USH2A: variants seen among roughly 807,000 people sequenced by gnomAD.
The protein encoded by USH2A is usherin, also known as Usher syndrome 2A (autosomal recessive, mild).
In USH2A, 443 loss-of-function variants were observed where a neutral mutation model predicts 538.9. The observed-to-expected ratio is 0.82, with a 90% CI of 0.76 to 0.89. USH2A has a LOEUF of 0.89. Among genes scored for constraint, USH2A ranks in the 40% least tolerant of loss-of-function variants. USH2A has a pLI of 0.00. For synonymous variants in USH2A, 2,413 were observed against 2,273.5 expected (o/e 1.06, Z -1.75); for missense variants, 6,633 against 6,324.8 (o/e 1.05, Z -1.65).
chr1:216,240,013 C>CAAAAAAAAAAA (rs55691066), intron 13 of USH2A, among the ~76,000 whole-genome samples: 10 of 112,274 alleles, frequency 8.9e-5, no homozygotes, highest in African/African-American at 1.3e-4. Context: ...ATGAAATAAA[C>CAAAAAAAAAAA]AAAAAAAAAA....
At position 216,046,643 on chromosome 1, in the gene USH2A, C is replaced by T. The variant is rs2030534516; in HGVS notation, c.6164-51G>A. On this transcript the variant is annotated intron_variant, in intron 31 of 71. Transcript: ENST00000307340. ...CTAATTTTAGTTTACTTTTCTAATTCAAACTTTTCAGACCCAAACCAATAA... is the reference window on the plus strand; with the variant it reads ...CTAATTTTAGTTTACTTTTCTAATTTAAACTTTTCAGACCCAAACCAATAA... 6 of 1,605,094 alleles carry T rather than the reference C, an allele frequency of 3.7e-6. No individual in the cohort carries two copies. In the African/African-American group the frequency reaches 8.0e-5, roughly 21 times the overall value.
intron 21 of USH2A, among the ~76,000 whole-genome samples, chr1:216,162,582 C>G (rs543506171): frequency 2.4e-4 from 36 of 152,188 alleles, no homozygotes; most frequent in African/African-American, 8.7e-4. Flanking sequence ...AGTAAAATTA[C>G]CAGATTACCT....
At chr1:216,281,865 G>GTTTTTTTTTTTTT (rs766030449) in intron 11 of USH2A, among the ~76,000 whole-genome samples, 5 of 96,472 alleles carry the variant, frequency 5.2e-5, no homozygotes, top group Admixed American at 1.3e-4. Context: ...GTTTTTGTCT[G>GTTTTTTTTTTTTT]TTTTTTTTTT....
chr1:216,138,118 A>G (rs1409794248), intron 21 of USH2A, among the ~76,000 whole-genome samples: 1 of 152,232 alleles, frequency 6.6e-6, no homozygotes, highest in African/African-American at 2.4e-5. Flanking sequence ...ATTGTTATAT[A>G]TAAACCATAT....
At chr1:215,780,751 A>G (rs1661611342) in intron 54 of USH2A, among the ~76,000 whole-genome samples, 1 of 152,230 alleles carries the variant, frequency 6.6e-6, no homozygotes, top group South Asian at 2.1e-4. Context: ...TCTAGGACTA[A>G]TAACTTTTGA....
intron 60 of USH2A, among the ~76,000 whole-genome samples, chr1:215,739,091 G>A (rs1660232349): frequency 6.6e-6 from 1 of 152,154 alleles, no homozygotes; most frequent in Non-Finnish European, 1.5e-5. Context: ...TGGAGCCCCA[G>A]TGCGCCATTT....
At chr1:216,097,283 T>C in intron 21 of USH2A, 70 bp from the exon 22 acceptor site, 1 of 1,611,418 alleles carries the variant, frequency 6.2e-7, no homozygotes, top group Non-Finnish European at 8.5e-7. Flanking sequence ...AATGTACATT[T>C]ACTTTCATTA....
intron 21 of USH2A, among the ~76,000 whole-genome samples, chr1:216,169,021 G>A (rs1161412788): frequency 6.6e-6 from 1 of 152,048 alleles, no homozygotes; most frequent in African/African-American, 2.4e-5. Flanking sequence ...CAGGCTCTAT[G>A]TGAATTAAAC....
chr1:216,081,393 T>C (rs553135123), intron 26 of USH2A, among the ~76,000 whole-genome samples: 1 of 152,296 alleles, frequency 6.6e-6, no homozygotes, highest in East Asian at 1.9e-4. Context: ...TTCCAGGGGA[T>C]AACCATGCAT....
chr1:216,072,737 C>T, intron 29 of USH2A, 152 bp downstream of exon 29: 1 of 731,670 alleles, frequency 1.4e-6, no homozygotes, highest in Non-Finnish European at 2.4e-6. Flanking sequence ...AGCATTTTAG[C>T]CATTGACAGA....
chr1:215,783,732 A>G (rs1486946185), intron 52 of USH2A, among the ~76,000 whole-genome samples: 1 of 152,114 alleles, frequency 6.6e-6, no homozygotes, highest in African/African-American at 2.4e-5. Flanking sequence ...CATGTCTCTA[A>G]TTTGATGAAT....
At chr1:215,988,654 C>T (rs1449016175) in intron 35 of USH2A, among the ~76,000 whole-genome samples, 4 of 152,180 alleles carry the variant, frequency 2.6e-5, no homozygotes, top group African/African-American at 9.7e-5. Flanking sequence ...TTCTCCACAT[C>T]CTTTCCAGAA....
rs147900972 is a variant in USH2A, at chr1:215,743,321, C to T, written c.11404G>A (p.Glu3802Lys). 1.8e-3 allele frequency: 2,801 copies of T among 1,596,618 alleles called. 8 individuals are homozygous for T. The highest frequency in any genetic ancestry group is 1.6e-3 in the Non-Finnish European group (1,925 of 1,172,548). Residue 3802 changes from glutamate to lysine, a missense_variant, in exon 59 of 72, where the codon GAA (glutamate) becomes AAA (lysine). Coordinates refer to ENST00000307340, the MANE Select transcript of USH2A (RefSeq NM_206933.4). ...AWIPPGILIP[E>K]IPVEYNVLLN... ...AAGACATTGTACTCCACAGGAATTT[C>T]GGGGATGAGGATCCCTTTAAAGAGA... is the stretch of plus-strand genomic sequence containing the variant.
intron 9 of USH2A, among the ~76,000 whole-genome samples, chr1:216,300,180 A>T (rs1473829): frequency 0.67 from 101,789 of 152,096 alleles, 35,896 homozygotes; most frequent in East Asian, 0.8. Context: ...ATAATTTTCA[A>T]CTGCCTTTTC....
chr1:215,722,678 T>C (rs564103372), intron 61 of USH2A, among the ~76,000 whole-genome samples: 10 of 152,190 alleles, frequency 6.6e-5, no homozygotes, highest in Admixed American at 6.5e-4. Flanking sequence ...ATTCCCAGAT[T>C]GGAAGCCAAT....
chr1:215,901,322 C>T (rs1224349513), intron 38 of USH2A: 4 of 291,466 alleles, frequency 1.4e-5, no homozygotes, highest in Admixed American at 9.7e-5. Context: ...TCCATTGCTG[C>T]CTTAATCACA....
At chr1:216,147,161 A>C (rs1066183) in intron 21 of USH2A, among the ~76,000 whole-genome samples, 1 of 150,700 alleles carries the variant, frequency 6.6e-6, no homozygotes, top group African/African-American at 2.5e-5. Context: ...AACCCCAAGC[A>C]TCGCTGAGTC....
intron 20 of USH2A, among the ~76,000 whole-genome samples, chr1:216,177,751 G>C (rs1383877308): frequency 6.6e-6 from 1 of 152,164 alleles, no homozygotes; most frequent in African/African-American, 2.4e-5. Flanking sequence ...CAGATTAACA[G>C]CTGATTTATT....
chr1:216,343,937 CA>C (rs2038126601), intron 4 of USH2A, among the ~76,000 whole-genome samples: 1 of 151,986 alleles, frequency 6.6e-6, no homozygotes, highest in Admixed American at 6.6e-5. Context: ...GATTTTTAGA[CA>C]TTGGGGGTGC....
Sources: gnomAD v4.1 joint callset for allele counts (sites outside exome capture counted in the v4.1 genomes callset) on GRCh38, gnomAD v4.1.1 for gene constraint, MANE v1.5 for transcripts, NCBI Gene and HGNC (gene_info 2026-07-23, HGNC 2026-07-21) for gene names.